Variants in UTP20 observed in about 807,000 individuals in gnomAD.
UTP20 encodes the protein UTP20 small subunit processome component.
A neutral mutation model predicts 329.5 loss-of-function variants in UTP20; 164 were observed. The observed-to-expected ratio is 0.50, with a 90% CI of 0.44 to 0.57. The LOEUF (loss-of-function observed/expected upper bound fraction) is 0.57, where lower values mean the gene tolerates loss of function less well. Among genes scored for constraint, UTP20 ranks in the 20% least tolerant of loss-of-function variants. The pLI, the probability that UTP20 is intolerant of heterozygous loss-of-function variation, is 0.00. For missense variants in UTP20, 3,055 were observed against 3,284.2 expected (o/e 0.93, Z 1.71); for synonymous variants, 1,151 against 1,159.3 (o/e 0.99, Z 0.14).
rs1192033747 is a variant in UTP20 at position 101,292,042 on chromosome 12, G to A, written c.1111G>A (p.Ala371Thr). 8 of 1,614,012 alleles carry A rather than the reference G, an allele frequency of 5.0e-6. No individual in the cohort carries two copies. The highest frequency in any genetic ancestry group is 6.8e-6 in the Non-Finnish European group (8 of 1,180,018). Residue 371 changes from alanine to threonine, a missense_variant, in exon 10 of 62, where the codon GCT (alanine) becomes ACT (threonine). Physicochemically the swap from Ala to Thr is moderately conservative, Grantham distance 58 (BLOSUM62 0). Coordinates refer to ENST00000261637, the MANE Select transcript of UTP20 (RefSeq NM_014503.3). Reference sequence around the variant, plus strand: ...GGAGACCCTCTTGGATGTAATTTCTGCTTTGATCCTGGGTGAAAATGTTTC... The same window carrying A: ...GGAGACCCTCTTGGATGTAATTTCTACTTTGATCCTGGGTGAAAATGTTTC... ...CWETLLDVISALILGENVSLP... is the reference protein window; with the variant it reads ...CWETLLDVISTLILGENVSLP...
Position 101,374,954 on chromosome 12 carries a change from A to C in UTP20, c.7263+15A>C, listed in dbSNP as rs766739234. The C allele has an allele frequency of 6.2e-7, 1 of 1,601,236 alleles. No individual in the cohort carries two copies. The highest frequency in any genetic ancestry group is 8.6e-7 in the Non-Finnish European group (1 of 1,168,820). ...ACTTTAAAGATGTAAGTAATTTGCT[A>C]GGGAATAAAACTTTTCTAACTTATA... is the stretch of plus-strand genomic sequence containing the variant. On this transcript the variant is annotated intron_variant, in intron 55 of 61. Transcript: ENST00000261637.
chr12:101,385,946 A>C (rs1167929442), intron 61 of UTP20, 22 bp from the exon 62 acceptor site: 3 of 1,530,720 alleles, frequency 2.0e-6, no homozygotes, highest in Non-Finnish European at 2.7e-6. Flanking sequence ...AAGTAATATA[A>C]AATTTCTATT....
At chr12:101,289,590 C>G (rs1415306987) in intron 6 of UTP20, among the ~76,000 whole-genome samples, 1 of 151,976 alleles carries the variant, frequency 6.6e-6, no homozygotes, top group African/African-American at 2.4e-5. Context: ...TAATTTGGGT[C>G]ACTATTGTAT....
rs779082509 is a variant in UTP20 at position 101,299,860 on chromosome 12, A to G, written c.1586+23A>G. On this transcript the variant is annotated intron_variant, in intron 13 of 61. Transcript: ENST00000261637. ...TAGGTAAGAAAATAAGCTATGTTTAATTTTGAAAGAGATAACATGCTGATT... is the reference window on the plus strand; with the variant it reads ...TAGGTAAGAAAATAAGCTATGTTTAGTTTTGAAAGAGATAACATGCTGATT... 3 of 1,601,224 alleles carry G rather than the reference A, an allele frequency of 1.9e-6. 1 individual carries two copies. In the East Asian group the frequency reaches 6.7e-5, roughly 36 times the overall value.
Position 101,291,889 on chromosome 12 carries a change from G to T in UTP20, c.1038+1G>T. On this transcript the variant is annotated splice_donor_variant, in intron 9 of 61. Transcript: ENST00000261637. LOFTEE classifies it high-confidence loss of function. ...ACCCACGCCTGCTGATGTCTGTAAG[G>T]TGAGTTCCCAACTTAATATGCTCGA... 1 of 1,610,828 alleles carries T rather than the reference G, an allele frequency of 6.2e-7. No individual in the cohort carries two copies. The highest frequency in any genetic ancestry group is 2.2e-5 in the East Asian group (1 of 44,850).
intron 5 of UTP20, among the ~76,000 whole-genome samples, chr12:101,288,577 C>T (rs1464124444): frequency 6.6e-6 from 1 of 152,212 alleles, no homozygotes; most frequent in Non-Finnish European, 1.5e-5. Flanking sequence ...ATCATCTTTC[C>T]TCTTTTAGAT....
At position 101,295,594 on chromosome 12, in the gene UTP20, C is replaced by T; in HGVS notation, c.1366C>T (p.Pro456Ser). The change falls in exon 12 of 62, where the codon CCT becomes TCT. Residue 456 changes from proline (P) to serine (S), a missense_variant. Around this residue, in one of 3 missense-constraint regions of UTP20, gnomAD observed 2,445 missense variants for 2,575.5 expected, o/e 0.95. Transcript: ENST00000261637. ...CAAGCTCATTCTGAACAAAGCAGCACCTCCCACTGCTGGCTCGATGGCAAT... is the reference window on the plus strand; with the variant it reads ...CAAGCTCATTCTGAACAAAGCAGCATCTCCCACTGCTGGCTCGATGGCAAT... ...LAKLILNKAA[P>S]PTAGSMAIEK... 6.2e-7 allele frequency: 1 copy of T among 1,613,460 alleles called. No homozygotes were observed. Among genetic ancestry groups the T allele is most frequent in the Non-Finnish European group, 8.5e-7 (1 of 1,179,684 alleles).
At chr12:101,328,131 A>AT (rs563842192) in intron 26 of UTP20, among the ~76,000 whole-genome samples, 2 of 152,014 alleles carry the variant, frequency 1.3e-5, no homozygotes, top group Admixed American at 6.6e-5. Context: ...TTGTTTTTGT[A>AT]TTTTTTCTAT....
chr12:101,354,757 G>T (rs1869659603), intron 40 of UTP20, 75 bp from the exon 41 acceptor site: 2 of 1,494,406 alleles, frequency 1.3e-6, no homozygotes, highest in Non-Finnish European at 9.0e-7. Context: ...GGACGTTGGT[G>T]GGAAAAACTG....
intron 37 of UTP20, among the ~76,000 whole-genome samples, 176 bp from the exon 38 acceptor site, chr12:101,346,275 T>C (rs940950629): frequency 2.6e-5 from 4 of 152,130 alleles, no homozygotes; most frequent in Admixed American, 2.6e-4. Flanking sequence ...GGTCTTGAAC[T>C]CCCGACCTCA....
intron 55 of UTP20, 71 bp downstream of exon 55, chr12:101,375,010 T>C: frequency 9.2e-7 from 1 of 1,088,268 alleles, no homozygotes; most frequent in Non-Finnish European, 1.4e-6. Flanking sequence ...GCTAACAGAT[T>C]AGATATCAGC....
chr12:101,305,464 G>A (rs1872621149), intron 15 of UTP20, among the ~76,000 whole-genome samples: 3 of 150,474 alleles, frequency 2.0e-5, no homozygotes, highest in South Asian at 2.1e-4. Context: ...GAGCTCGTGT[G>A]TCAGACTACT....
intron 54 of UTP20, among the ~76,000 whole-genome samples, chr12:101,374,167 G>A (rs1212335584): frequency 2.5e-4 from 38 of 150,654 alleles, no homozygotes; most frequent in South Asian, 1.0e-3. Flanking sequence ...CCCGGGAGGC[G>A]GAGCTTGCAG....
At position 101,381,158 on chromosome 12, in the gene UTP20, G is replaced by C. The variant is rs756115922; in HGVS notation, c.7603G>C (p.Ala2535Pro). ...TTCACAGATGAAAAGTATCTCTCTC[G>C]CCTCTTGCCATCAATTGCATTCCAA... ...LDQKMKSISLASCHQLHSKFL... is the reference protein window; with the variant it reads ...LDQKMKSISLPSCHQLHSKFL... The change falls in exon 58 of 62, where the codon GCC becomes CCC. Residue 2535 changes from alanine to proline, a missense_variant. Transcript: ENST00000261637. 1 of 1,613,698 alleles carries C rather than the reference G, an allele frequency of 6.2e-7. No homozygotes were observed. The highest frequency in any genetic ancestry group is 8.5e-7 in the Non-Finnish European group (1 of 1,179,686).
At chr12:101,311,585 G>A in intron 19 of UTP20, 134 bp from the exon 20 acceptor site, 2 of 738,546 alleles carry the variant, frequency 2.7e-6, no homozygotes, top group Non-Finnish European at 4.3e-6. Context: ...TGCAAAAGGT[G>A]TTTACGACTC....
Position 101,321,622 on chromosome 12 carries a change from C to A in UTP20, c.3034C>A (p.Leu1012Met). The A allele has an allele frequency of 6.2e-7, 1 of 1,613,140 alleles. No homozygotes were observed. The highest frequency in any genetic ancestry group is 1.1e-5 in the South Asian group (1 of 91,000). Residue 1012 changes from leucine (L) to methionine (M), a missense_variant, in exon 25 of 62, where the codon CTG (leucine) becomes ATG (methionine). Around this residue, in one of 3 missense-constraint regions of UTP20, gnomAD observed 2,445 missense variants for 2,575.5 expected, o/e 0.95. Coordinates refer to ENST00000261637, the MANE Select transcript of UTP20 (RefSeq NM_014503.3). ...TAHRADLFPILMRILYGRMKN... is the reference protein window; with the variant it reads ...TAHRADLFPIMMRILYGRMKN... ...CCACCGAGCAGATCTATTTCCTATT[C>A]TGATGAGGTATTTATGCTGTTCAAA...
At chr12:101,303,488 G>C (rs1319726905) in intron 15 of UTP20, among the ~76,000 whole-genome samples, 1 of 152,222 alleles carries the variant, frequency 6.6e-6, no homozygotes, top group East Asian at 1.9e-4. Flanking sequence ...CGTAAGCCAT[G>C]AGGATACCTG....
chr12:101,290,963 A>C, intron 8 of UTP20, 75 bp downstream of exon 8: 1 of 1,451,964 alleles, frequency 6.9e-7, no homozygotes. Context: ...CAGTTTTGCA[A>C]ATCACTCCTA....
rs181546031 is a variant in UTP20 at position 101,342,623 on chromosome 12, T to G, written c.4245+34T>G. ...TATTCATTTTTACTCCAAATCACCC[T>G]TTTAAAAAAATGTAATTATGACTTG... On this transcript the variant is annotated intron_variant, in intron 33 of 61. Transcript: ENST00000261637. 79 of 1,579,738 alleles carry G rather than the reference T, an allele frequency of 5.0e-5. No individual in the cohort carries two copies. The African/African-American group carries it at 1.0e-3, about 21-fold the overall frequency.
Sources: gnomAD v4.1 joint callset for allele counts (sites outside exome capture counted in the v4.1 genomes callset) on GRCh38, gnomAD v4.1.1 for gene constraint, gnomAD v4.1.1 regional missense constraint, MANE v1.5 for transcripts, NCBI Gene and HGNC (gene_info 2026-07-23, HGNC 2026-07-21) for gene names.